Variants in MALRD1 observed in about 807,000 individuals in gnomAD.
MALRD1 encodes the protein MAM and LDL-receptor class A domain-containing protein 1.
MALRD1 carries 247 observed loss-of-function variants against 242.1 expected under a neutral mutation model. The observed-to-expected ratio is 1.02, with a 90% CI of 0.92 to 1.13. The LOEUF (loss-of-function observed/expected upper bound fraction) is 1.13. MALRD1 is among the 50% of genes most tolerant of loss of function. MALRD1 has a pLI of 0.00. For missense variants in MALRD1, 2,989 were observed against 2,533.1 expected (o/e 1.18, Z -3.86); for synonymous variants, 995 against 866.6 (o/e 1.15, Z -2.60).
intron 14 of MALRD1, among the ~76,000 whole-genome samples, chr10:19,189,856 A>C (rs1189007370): frequency 6.6e-6 from 1 of 152,164 alleles, no homozygotes; most frequent in African/African-American, 2.4e-5. Context: ...CAGCTACATT[A>C]TACTCATTGG....
At chr10:19,616,077 A>C (rs1051750947) in intron 36 of MALRD1, among the ~76,000 whole-genome samples, 154 bp downstream of exon 36, 17 of 152,018 alleles carry the variant, frequency 1.1e-4, no homozygotes, top group African/African-American at 4.1e-4. Flanking sequence ...TGTCTGAATA[A>C]GGTAAAGGAA....
rs745389022 is a variant in MALRD1, at chr10:19,283,231, C to A, written c.3419+50C>A. On this transcript the variant is annotated intron_variant, in intron 21 of 39. Coordinates refer to ENST00000454679, the MANE Select transcript of MALRD1 (RefSeq NM_001142308.3). ...TCTCTCTTGGGAAATATTTATTAAGCATCTCCCAAATTTCTGCCCCCACCA... is the reference window on the plus strand; with the variant it reads ...TCTCTCTTGGGAAATATTTATTAAGAATCTCCCAAATTTCTGCCCCCACCA... The A allele has an allele frequency of 7.5e-5, 102 of 1,354,066 alleles. No individual in the cohort carries two copies. The South Asian group carries it at 1.1e-3, about 15-fold the overall frequency. 83.9% of individuals were successfully genotyped at this position (1,354,066 alleles called of 1,614,324 possible). A position where few individuals can be genotyped will look rare whatever the true frequency, so the allele number is the denominator to read the frequency against.
intron 14 of MALRD1, among the ~76,000 whole-genome samples, chr10:19,194,167 C>T (rs558759397): frequency 3.9e-5 from 6 of 152,184 alleles, no homozygotes; most frequent in Non-Finnish European, 7.4e-5. Context: ...TACAATTTCA[C>T]GTTTCAAACG....
intron 26 of MALRD1, among the ~76,000 whole-genome samples, chr10:19,383,850 T>A (rs145597859): frequency 2.5e-4 from 38 of 151,934 alleles, no homozygotes; most frequent in African/African-American, 8.4e-4. Flanking sequence ...AATAGTACAT[T>A]CTCCAGGACT....
chr10:19,682,531 T>G (rs1842416247), intron 36 of MALRD1, among the ~76,000 whole-genome samples: 1 of 152,200 alleles, frequency 6.6e-6, no homozygotes, highest in Admixed American at 6.5e-5. Context: ...TGTTTATCTC[T>G]CTCTTTCAGG....
intron 34 of MALRD1, among the ~76,000 whole-genome samples, chr10:19,600,005 A>G (rs1251356123): frequency 6.6e-6 from 1 of 152,140 alleles, no homozygotes; most frequent in Non-Finnish European, 1.5e-5. Context: ...GGAGAAGTAC[A>G]TGGAAACTAT....
intron 18 of MALRD1, among the ~76,000 whole-genome samples, chr10:19,236,973 T>G (rs1265366358): frequency 6.6e-6 from 1 of 152,014 alleles, no homozygotes; most frequent in East Asian, 1.9e-4. Context: ...ATTTTAAAAT[T>G]GTTATTTAAT....
chr10:19,190,206 A>G (rs1835910558), intron 14 of MALRD1, among the ~76,000 whole-genome samples: 1 of 152,106 alleles, frequency 6.6e-6, no homozygotes, highest in Non-Finnish European at 1.5e-5. Context: ...TTCTCTTGCA[A>G]TAACAGAAAA....
intron 36 of MALRD1, among the ~76,000 whole-genome samples, chr10:19,688,438 AT>A (rs1842690977): frequency 6.6e-6 from 1 of 151,554 alleles, no homozygotes; most frequent in Non-Finnish European, 1.5e-5. Context: ...AATTTTTAGA[AT>A]TTTTGTAAAG....
intron 29 of MALRD1, among the ~76,000 whole-genome samples, chr10:19,482,142 A>C (rs1447965527): frequency 6.6e-6 from 1 of 152,060 alleles, no homozygotes; most frequent in Admixed American, 6.6e-5. Flanking sequence ...AAAGATTACA[A>C]CTTTTATAAG....
chr10:19,506,578 G>C (rs1833154047), intron 31 of MALRD1, among the ~76,000 whole-genome samples: 1 of 151,930 alleles, frequency 6.6e-6, no homozygotes, highest in South Asian at 2.1e-4. Context: ...TAAAAATATT[G>C]TTGAGATATA....
At chr10:19,658,479 G>T (rs1433077897) in intron 36 of MALRD1, among the ~76,000 whole-genome samples, 1 of 151,910 alleles carries the variant, frequency 6.6e-6, no homozygotes, top group Non-Finnish European at 1.5e-5. Context: ...TAGTCTAGTG[G>T]TTAGGAAAAC....
intron 38 of MALRD1, among the ~76,000 whole-genome samples, chr10:19,712,907 G>A (rs1303829982): frequency 6.6e-6 from 1 of 152,178 alleles, no homozygotes; most frequent in Non-Finnish European, 1.5e-5. Context: ...CCTGTCAATA[G>A]AACAGAGCCA....
intron 29 of MALRD1, among the ~76,000 whole-genome samples, chr10:19,454,429 T>TATATATATATATATATATATAA (rs1835519216): frequency 1.4e-5 from 2 of 141,218 alleles, no homozygotes; most frequent in Non-Finnish European, 3.1e-5. Flanking sequence ...TATATATATA[T>TATATATATATATATATATATAA]ATAATTATAT....
intron 36 of MALRD1, among the ~76,000 whole-genome samples, chr10:19,660,559 A>G (rs140811101): frequency 6.6e-6 from 1 of 152,284 alleles, no homozygotes; most frequent in Non-Finnish European, 1.5e-5. Context: ...AGAGTACCTT[A>G]TGCACTACCT....
Position 19,050,859 on chromosome 10 carries a change from C to T in MALRD1, c.199+1722C>T, listed in dbSNP as rs940324665. Among the ~76,000 whole-genome samples the T allele has an allele frequency of 2.0e-5, 3 of 152,132 alleles. No individual in the cohort carries two copies. The South Asian group carries it at 6.2e-4, about 31-fold the overall frequency. On this transcript the variant is annotated intron_variant, in intron 1 of 39. Transcript: ENST00000454679. ...TCCTTCAGTACCCTGGCTGTGATAACGTGCATGGTCCTGCTTCAGAGAAAA... is the reference window on the plus strand; with the variant it reads ...TCCTTCAGTACCCTGGCTGTGATAATGTGCATGGTCCTGCTTCAGAGAAAA...
In MALRD1 at chr10:19,203,890, A is replaced by G. The variant is rs1836662597; in HGVS notation, c.2104+10A>G. On this transcript the variant is annotated intron_variant, in intron 15 of 39. Coordinates refer to ENST00000454679, the MANE Select transcript of MALRD1 (RefSeq NM_001142308.3). ...CTCAACGCATCTCAAGGTAAGAAGC[A>G]AACAGGGACTCTACAACCACTGCTA... The G allele has an allele frequency of 3.9e-6, 6 of 1,550,474 alleles. No homozygotes were observed. The highest frequency in any genetic ancestry group is 4.4e-6 in the Non-Finnish European group (5 of 1,146,906).
chr10:19,528,989 G>C (rs1406312950), intron 31 of MALRD1, among the ~76,000 whole-genome samples: 4 of 152,132 alleles, frequency 2.6e-5, no homozygotes, highest in Non-Finnish European at 5.9e-5. Flanking sequence ...GATTGCTGCA[G>C]CCTCAAGGTG....
At chr10:19,578,724 C>A (rs530408501) in intron 33 of MALRD1, among the ~76,000 whole-genome samples, 3 of 151,236 alleles carry the variant, frequency 2.0e-5, no homozygotes, top group East Asian at 3.9e-4. Flanking sequence ...TCACAGTACA[C>A]ATGACTAAGC....
Sources: gnomAD v4.1 joint callset for allele counts (sites outside exome capture counted in the v4.1 genomes callset) on GRCh38, gnomAD v4.1.1 for gene constraint, MANE v1.5 for transcripts, NCBI Gene and HGNC (gene_info 2026-07-23, HGNC 2026-07-21) for gene names.